The following VWA8 variants were observed in gnomAD, a reference collection of about 807,000 sequenced individuals.
VWA8 encodes von Willebrand factor A domain containing 8, also known as von Willebrand factor A domain-containing protein 8.
Under a neutral mutation model 241.5 loss-of-function variants are expected in VWA8, and 221 were observed. That is an observed-to-expected ratio of 0.91 (90% CI 0.82 to 1.02). The LOEUF is 1.02. Ranked by LOEUF, VWA8 falls within the 50% of genes least tolerant of loss-of-function variation. The pLI is 0.00. For missense variants in VWA8, 2,322 were observed against 2,328.7 expected, an observed-to-expected ratio of 1.00 and a Z score of 0.06; for synonymous variants, 852 against 827.1, an observed-to-expected ratio of 1.03 and a Z score of -0.52.
chr13:41,709,228 C>T (rs1372148409), intron 26 of VWA8, among the ~76,000 whole-genome samples: 12 of 152,132 alleles, frequency 7.9e-5, no homozygotes, highest in African/African-American at 1.4e-4. Flanking sequence ...GTTAATGCAT[C>T]GAGAGTAAGC....
At chr13:41,680,923 T>C (rs1026880827) in intron 35 of VWA8, among the ~76,000 whole-genome samples, 8 of 152,224 alleles carry the variant, frequency 5.3e-5, no homozygotes, top group Non-Finnish European at 8.8e-5. Context: ...GTATGGATGA[T>C]GACAAAGGTC....
chr13:41,935,859 T>C lies in VWA8; in HGVS notation c.241+14077A>G, dbSNP rs571417155. Among the ~76,000 whole-genome samples, 4 of 152,082 alleles carry C rather than the reference T, an allele frequency of 2.6e-5. No individual in the cohort carries two copies. In the South Asian group the frequency reaches 6.2e-4, roughly 24 times the overall value. On this transcript the variant is annotated intron_variant, in intron 2 of 44. Coordinates refer to ENST00000379310, the MANE Select transcript of VWA8 (RefSeq NM_015058.2). ...CTATAACACTCTCTAGGTACAAAGA[T>C]GTAAGTCTAATTTATTCTTTTTTAA...
chr13:41,842,115 C>T (rs897857916), intron 12 of VWA8, among the ~76,000 whole-genome samples: 1 of 151,740 alleles, frequency 6.6e-6, no homozygotes, highest in Non-Finnish European at 1.5e-5. Context: ...ATTAACTATG[C>T]CCACACCTAT....
At chr13:41,877,138 CCCA>C (rs1400954272) in intron 9 of VWA8, among the ~76,000 whole-genome samples, 1 of 151,924 alleles carries the variant, frequency 6.6e-6, no homozygotes, top group Non-Finnish European at 1.5e-5. Flanking sequence ...TTATTTAGCC[CCCA>C]CCACAAATGT....
intron 26 of VWA8, among the ~76,000 whole-genome samples, chr13:41,718,242 G>C (rs183573528): frequency 2.0e-5 from 3 of 151,926 alleles, no homozygotes; most frequent in Admixed American, 6.6e-5. Flanking sequence ...TAAAAATAAA[G>C]GGAGTTTACA....
chr13:41,759,815 G>A (rs191066887), intron 21 of VWA8, among the ~76,000 whole-genome samples: 24 of 151,452 alleles, frequency 1.6e-4, no homozygotes, highest in South Asian at 8.3e-4. Context: ...TGGATTTTGC[G>A]GTCTTCTTGG....
chr13:41,763,505 A>C (rs1427187995), intron 20 of VWA8, among the ~76,000 whole-genome samples: 1 of 150,296 alleles, frequency 6.7e-6, no homozygotes, highest in Non-Finnish European at 1.5e-5. Context: ...TTTCACCCAA[A>C]ATAGTTTCAA....
At chr13:41,573,721 G>A (rs988379554) in intron 43 of VWA8, among the ~76,000 whole-genome samples, 5 of 151,308 alleles carry the variant, frequency 3.3e-5, no homozygotes, top group East Asian at 3.9e-4. Flanking sequence ...GGGTTCGGGC[G>A]GTTCTCCTGC....
intron 2 of VWA8, among the ~76,000 whole-genome samples, chr13:41,932,671 A>C (rs1877178504): frequency 6.6e-6 from 1 of 151,950 alleles, no homozygotes; most frequent in African/African-American, 2.4e-5. Context: ...AAAATCAATC[A>C]ATGTAATTCA....
rs115999596 is a variant in VWA8 at position 41,932,494 on chromosome 13, A to T, written c.241+17442T>A. Among the ~76,000 whole-genome samples, 1,390 of 152,188 alleles carry T rather than the reference A, an allele frequency of 9.1e-3. 31 individuals carry two copies. The highest frequency in any genetic ancestry group is 0.03 in the African/African-American group (1,253 of 41,556). On this transcript the variant is annotated intron_variant, in intron 2 of 44. Transcript: ENST00000379310. ...ACCCTCATATCGAAATCTGACAAAG[A>T]CATGACAAGTAAGGAAAGCTGCAGA...
intron 37 of VWA8, among the ~76,000 whole-genome samples, chr13:41,619,136 C>T (rs1199701901): frequency 2.0e-5 from 3 of 151,138 alleles, no homozygotes; most frequent in Non-Finnish European, 4.4e-5. Context: ...TGTTTGTGTC[C>T]TATTTCATTG....
rs573305111 is a variant in VWA8, at chr13:41,812,107, G to C, written c.1948-767C>G. ...TTCCCTCAACTTTAAAATGGCAATA[G>C]TAATGCCCTCACCTTTAAGGTTGTT... On this transcript the variant is annotated intron_variant, in intron 16 of 44. Coordinates refer to ENST00000379310, the MANE Select transcript of VWA8 (RefSeq NM_015058.2). Among the ~76,000 whole-genome samples, 58 of 152,238 alleles carry C rather than the reference G, an allele frequency of 3.8e-4. 1 individual carries two copies. The South Asian group carries it at 0.012, about 31-fold the overall frequency.
intron 12 of VWA8, chr13:41,865,289 C>A: frequency 5.2e-6 from 2 of 382,428 alleles, no homozygotes; most frequent in Non-Finnish European, 1.0e-5. Flanking sequence ...TGTCAATTAC[C>A]TTATACATTT....
intron 40 of VWA8, among the ~76,000 whole-genome samples, chr13:41,591,180 G>A (rs1050435746): frequency 3.3e-5 from 5 of 152,190 alleles, no homozygotes; most frequent in Admixed American, 1.3e-4. Flanking sequence ...TTTTGGTAAA[G>A]AGTTTGTTAC....
chr13:41,871,871 A>G (rs892991649), intron 9 of VWA8, among the ~76,000 whole-genome samples: 42 of 152,304 alleles, frequency 2.8e-4, no homozygotes, highest in Non-Finnish European at 2.1e-4. Context: ...GATCCCTGAG[A>G]AATCGCCACA....
intron 37 of VWA8, among the ~76,000 whole-genome samples, chr13:41,665,963 T>C (rs1476592868): frequency 6.6e-6 from 1 of 152,120 alleles, no homozygotes; most frequent in Non-Finnish European, 1.5e-5. Context: ...TATAGGGGTA[T>C]CATTCTTATT....
In VWA8 at chr13:41,568,407, G is replaced by GAAGT. The variant is rs757661781; in HGVS notation, c.5610-106_5610-103dup. 13 of 879,312 alleles carry GAAGT rather than the reference G, an allele frequency of 1.5e-5. No individual in the cohort carries two copies. The African/African-American group carries it at 1.9e-4, about 13-fold the overall frequency. 54.5% of individuals were successfully genotyped at this position (879,312 alleles called of 1,614,324 possible). A position where few individuals can be genotyped will look rare whatever the true frequency, so the allele number is the denominator to read the frequency against. On this transcript the variant is annotated intron_variant, in intron 44 of 44. Transcript: ENST00000379310. ...GCCCCCTAATGGTTTCTTAGGAAAG[G>GAAGT]AAGTTTTTACTTTCTAATACCTTGC...
Position 41,960,897 on chromosome 13 carries a change from C to A in VWA8, c.119G>T (p.Arg40Leu), listed in dbSNP as rs1161317625. Residue 40 changes from arginine to leucine, a missense_variant, in exon 1 of 45, where the codon CGG (arginine) becomes CTG (leucine). Transcript: ENST00000379310. Reference protein sequence around the residue: ...VQRRPGGDRQRPEVRLLHAGS... With the variant: ...VQRRPGGDRQLPEVRLLHAGS... Reference sequence around the variant, plus strand: ...GGCGTGCAACAGTCTGACCTCCGGCCGCTGCCTGTCGCCACCCGGCCTGCG... The same window carrying A: ...GGCGTGCAACAGTCTGACCTCCGGCAGCTGCCTGTCGCCACCCGGCCTGCG... The A allele has an allele frequency of 6.6e-7, 1 of 1,513,226 alleles. No individual in the cohort carries two copies. Among genetic ancestry groups the A allele is most frequent in the South Asian group, 1.2e-5 (1 of 82,832 alleles). The allele number at this position is 1,513,226 out of a possible 1,614,324, so 93.7% of individuals were successfully genotyped here.
rs1024473647 is a variant in VWA8 at position 41,701,678 on chromosome 13, C to T, written c.3226-148G>A. 3.2e-5 allele frequency: 20 copies of T among 625,276 alleles called. No homozygotes were observed. In the African/African-American group the frequency reaches 3.6e-4, roughly 11 times the overall value. The allele number at this position is 625,276 out of a possible 1,614,324, so 38.7% of individuals were successfully genotyped here. Reference sequence around the variant, plus strand: ...TCAATTTATTGACAGGCTTAGTACTCATAACAGTAATAGTATCACACACTT... The same window carrying T: ...TCAATTTATTGACAGGCTTAGTACTTATAACAGTAATAGTATCACACACTT... On this transcript the variant is annotated intron_variant, in intron 27 of 44. Coordinates refer to ENST00000379310, the MANE Select transcript of VWA8 (RefSeq NM_015058.2).
Sources: allele counts gnomAD v4.1 joint callset (sites outside exome capture counted in the v4.1 genomes callset), GRCh38; gene constraint gnomAD v4.1.1; transcripts MANE v1.5; gene names NCBI Gene and HGNC (gene_info 2026-07-23, HGNC 2026-07-21).